PTPRN2: variants seen among roughly 807,000 people sequenced by gnomAD.
PTPRN2 encodes protein tyrosine phosphatase receptor type N2.
In PTPRN2, 74 loss-of-function variants were observed where a neutral mutation model predicts 118.8. That is an observed-to-expected ratio of 0.62 (90% CI 0.52 to 0.76). The LOEUF is 0.76. Ranked by LOEUF, PTPRN2 falls within the 30% of genes least tolerant of loss-of-function variation. PTPRN2 has a pLI of 0.00. For missense variants in PTPRN2, 1,481 were observed against 1,394.4 expected (o/e 1.06, Z -0.99); for synonymous variants, 641 against 608.0 (o/e 1.05, Z -0.80).
chr7:158,362,840 C>T (rs1313034274), intron 2 of PTPRN2, among the ~76,000 whole-genome samples: 1 of 152,172 alleles, frequency 6.6e-6, no homozygotes. Context: ...CCCAAACATC[C>T]CAGGGGCAGT....
intron 5 of PTPRN2, among the ~76,000 whole-genome samples, chr7:158,182,895 G>A (rs1824832677): frequency 6.6e-6 from 1 of 152,144 alleles, no homozygotes; most frequent in Non-Finnish European, 1.5e-5. Context: ...AAGTATTGAG[G>A]TCCCCCAGTG....
chr7:157,577,622 C>T (rs538219794), intron 18 of PTPRN2, among the ~76,000 whole-genome samples: 3 of 152,208 alleles, frequency 2.0e-5, no homozygotes, highest in African/African-American at 7.2e-5. Flanking sequence ...TTCTTAAAAA[C>T]GGACCCCACT....
At chr7:158,374,432 C>T (rs141792170) in intron 2 of PTPRN2, among the ~76,000 whole-genome samples, 37 of 152,306 alleles carry the variant, frequency 2.4e-4, no homozygotes, top group African/African-American at 8.7e-4. Context: ...TAGACACACA[C>T]CTCAATATCA....
At chr7:158,288,737 G>A (rs1333458697) in intron 3 of PTPRN2, among the ~76,000 whole-genome samples, 1 of 152,114 alleles carries the variant, frequency 6.6e-6, no homozygotes, top group East Asian at 1.9e-4. Context: ...GTATTATTCT[G>A]AATTTGACTG....
At position 157,674,728 on chromosome 7, in the gene PTPRN2, G is replaced by A. The variant is rs1017881003; in HGVS notation, c.2001+7997C>T. ...ACCCTCGGCCCCAAGGTGAGGCCCC[G>A]CGCAGGTACCTCTGTACACGCCTGT... On this transcript the variant is annotated intron_variant, in intron 13 of 22. Coordinates refer to ENST00000389418, the MANE Select transcript of PTPRN2 (RefSeq NM_002847.5). The surrounding 1 kb of genome is among the most constrained non-coding windows in gnomAD (Gnocchi z 4.5). Among the ~76,000 whole-genome samples, 5 of 152,334 alleles carry A rather than the reference G, an allele frequency of 3.3e-5. No individual in the cohort carries two copies. Among genetic ancestry groups the A allele is most frequent in the South Asian group, 4.1e-4 (2 of 4,828 alleles).
At chr7:157,879,754 G>A (rs1013849401) in intron 12 of PTPRN2, among the ~76,000 whole-genome samples, 1 of 150,900 alleles carries the variant, frequency 6.6e-6, no homozygotes, top group Non-Finnish European at 1.5e-5. Context: ...CACCCCACGT[G>A]AGCCCGGCTT....
chr7:157,784,196 G>A lies in PTPRN2; in HGVS notation c.1789-101259C>T, dbSNP rs964985403. Among the ~76,000 whole-genome samples, 1 of 152,100 alleles carries A rather than the reference G, an allele frequency of 6.6e-6. No individual in the cohort carries two copies. The highest frequency in any genetic ancestry group is 2.4e-5 in the African/African-American group (1 of 41,426). On this transcript the variant is annotated intron_variant, in intron 12 of 22. Transcript: ENST00000389418. This position sits in a 1 kb window ranked among gnomAD's most constrained non-coding sequence, Gnocchi z 4.6. The stretch of plus-strand genomic sequence containing the variant: ...TTAGGCCAGGGACCAATCTTACCAC[G>A]TGGCTTCTGGCCCAGAGCAGCTCGT...
intron 2 of PTPRN2, among the ~76,000 whole-genome samples, chr7:158,466,059 G>A (rs772984023): frequency 3.3e-5 from 5 of 152,178 alleles, no homozygotes; most frequent in Admixed American, 1.3e-4. Flanking sequence ...TCATCATTTT[G>A]TAAAATTTTT....
intron 18 of PTPRN2, 65 bp from the exon 19 acceptor site, chr7:157,576,844 CA>C: frequency 1.4e-6 from 2 of 1,434,438 alleles, no homozygotes; most frequent in Non-Finnish European, 1.9e-6. Flanking sequence ...GAACCTCAGG[CA>C]CTGAGGAACC....
At chr7:158,072,364 A>G (rs1007592182) in intron 11 of PTPRN2, among the ~76,000 whole-genome samples, 1 of 152,166 alleles carries the variant, frequency 6.6e-6, no homozygotes, top group Non-Finnish European at 1.5e-5. Context: ...TAAATTTTCA[A>G]GAATGGGCCT....
chr7:158,039,193 C>T (rs1808287600), intron 11 of PTPRN2, among the ~76,000 whole-genome samples: 1 of 152,210 alleles, frequency 6.6e-6, no homozygotes. Flanking sequence ...GATAAATCCT[C>T]AAAATATAAT....
chr7:158,171,046 T>TATATACACAC, intron 5 of PTPRN2, among the ~76,000 whole-genome samples: 1 of 88,342 alleles, frequency 1.1e-5, no homozygotes, highest in Non-Finnish European at 2.0e-5. Flanking sequence ...TACACATACA[T>TATATACACAC]ATATATACAC....
In PTPRN2 at chr7:158,555,999, A is replaced by G. The variant is rs1475029633; in HGVS notation, c.112+31559T>C. Among the ~76,000 whole-genome samples the G allele has an allele frequency of 6.6e-6, 1 of 152,246 alleles. No homozygotes were observed. The highest frequency in any genetic ancestry group is 2.4e-5 in the African/African-American group (1 of 41,460). ...AAACAGCCTTGGAATGTCCTTCTTT[A>G]CTAGATCAACAGATGGTTGTCATAG... is the stretch of plus-strand genomic sequence containing the variant. On this transcript the variant is annotated intron_variant, in intron 1 of 22. Coordinates refer to ENST00000389418, the MANE Select transcript of PTPRN2 (RefSeq NM_002847.5). The surrounding 1 kb of genome is among the most constrained non-coding windows in gnomAD (Gnocchi z 4.7).
intron 11 of PTPRN2, among the ~76,000 whole-genome samples, chr7:158,001,452 C>G (rs1235164225): frequency 2.0e-5 from 3 of 152,106 alleles, no homozygotes; most frequent in African/African-American, 4.8e-5. Flanking sequence ...GAGCCAGAAT[C>G]TGGAAGCAGG....
chr7:158,270,752 CTCCACCTGGACCACCCCG>C (rs759450971), intron 3 of PTPRN2, among the ~76,000 whole-genome samples: 44 of 150,284 alleles, frequency 2.9e-4, no homozygotes, highest in Admixed American at 8.6e-4. Context: ...GAGCCGTCTT[CTCCACCTGGACCACCCCG>C]TCCACCTGGA....
At chr7:157,957,478 C>T (rs1271213623) in intron 11 of PTPRN2, among the ~76,000 whole-genome samples, 1 of 152,126 alleles carries the variant, frequency 6.6e-6, no homozygotes, top group Non-Finnish European at 1.5e-5. Flanking sequence ...TGATGGTACA[C>T]ACAACAGATA....
At position 157,779,921 on chromosome 7, in the gene PTPRN2, G is replaced by A. The variant is rs984093933; in HGVS notation, c.1789-96984C>T. Among the ~76,000 whole-genome samples the A allele has an allele frequency of 6.6e-6, 1 of 152,132 alleles. No homozygotes were observed. Among genetic ancestry groups the A allele is most frequent in the Non-Finnish European group, 1.5e-5 (1 of 68,024 alleles). On this transcript the variant is annotated intron_variant, in intron 12 of 22. Coordinates refer to ENST00000389418, the MANE Select transcript of PTPRN2 (RefSeq NM_002847.5). This position sits in a 1 kb window ranked among gnomAD's most constrained non-coding sequence, Gnocchi z 4.7. ...GTACAACACGCCGCAAGCAGCCCTC[G>A]AGGAATGGAAAACTCTCAGACTGCT...
rs1166360151 is a variant in PTPRN2, at chr7:157,568,986, A to C, written c.2838-20T>G. 3 of 1,542,280 alleles carry C rather than the reference A, an allele frequency of 1.9e-6. No individual in the cohort carries two copies. Among genetic ancestry groups the C allele is most frequent in the Non-Finnish European group, 2.7e-6 (3 of 1,115,602 alleles). On this transcript the variant is annotated intron_variant, in intron 20 of 22. Transcript: ENST00000389418. ...CCGTCACTGCCAACAGAAGGAGAGA[A>C]ATGAAAGTGCTGCCGTCCACACGGA...
chr7:157,544,287 C>T (rs151181985), intron 22 of PTPRN2, among the ~76,000 whole-genome samples: 110 of 152,302 alleles, frequency 7.2e-4, no homozygotes, highest in Non-Finnish European at 1.4e-3. Flanking sequence ...GACTGCGCTA[C>T]GCGTGACAGA....
Sources: allele counts gnomAD v4.1 joint callset (sites outside exome capture counted in the v4.1 genomes callset), GRCh38; gene constraint gnomAD v4.1.1; non-coding constraint Gnocchi (gnomAD v3.1); transcripts MANE v1.5; gene names NCBI Gene and HGNC (gene_info 2026-07-23, HGNC 2026-07-21).